Variants in MPDZ observed in about 807,000 individuals in gnomAD.
The protein encoded by MPDZ is multiple PDZ domain crumbs cell polarity complex component.
In MPDZ, 234 loss-of-function variants were observed where a neutral mutation model predicts 239.1. The ratio of observed to expected loss-of-function variants is 0.98; its 90% confidence interval spans 0.88 to 1.09. The LOEUF (loss-of-function observed/expected upper bound fraction) is 1.09, where lower values mean the gene tolerates loss of function less well. MPDZ is among the 50% of genes least tolerant of loss of function. The pLI, the probability that MPDZ is intolerant of heterozygous loss-of-function variation, is 0.00. For synonymous variants in MPDZ, 1,048 were observed against 881.3 expected (o/e 1.19, Z -3.35); for missense variants, 3,175 against 2,510.0 (o/e 1.26, Z -5.66).
intron 27 of MPDZ, among the ~76,000 whole-genome samples, chr9:13,141,661 T>A (rs1213919470): frequency 6.6e-6 from 1 of 152,118 alleles, no homozygotes; most frequent in Non-Finnish European, 1.5e-5. Context: ...CACAAATACT[T>A]AGAAATTATT....
Position 13,148,315 on chromosome 9 carries a change from A to C in MPDZ, c.3631-657T>G, listed in dbSNP as rs146610957. ...GCCTGAGTATTGATCAACTCAGCTT[A>C]CACACTTTATGAATAAGAAGGAAAA... On this transcript the variant is annotated intron_variant, in intron 25 of 46. Transcript: ENST00000319217. Among the ~76,000 whole-genome samples, 168 of 152,204 alleles carry C rather than the reference A, an allele frequency of 1.1e-3. 1 individual carries two copies. The highest frequency in any genetic ancestry group is 3.8e-3 in the African/African-American group (159 of 41,554).
At chr9:13,216,734 C>T (rs528044813) in intron 10 of MPDZ, 40 bp downstream of exon 10, 1 of 1,422,344 alleles carries the variant, frequency 7.0e-7, no homozygotes, top group African/African-American at 1.4e-5. Context: ...AATTCTCAAC[C>T]ATGAAAATTA....
intron 8 of MPDZ, among the ~76,000 whole-genome samples, chr9:13,218,587 C>T (rs1382154604): frequency 1.3e-5 from 2 of 151,792 alleles, no homozygotes; most frequent in Non-Finnish European, 2.9e-5. Flanking sequence ...CTAAAAACAA[C>T]AGAATCATGG....
intron 1 of MPDZ, among the ~76,000 whole-genome samples, chr9:13,268,685 A>G (rs971659614): frequency 6.6e-6 from 1 of 152,228 alleles, no homozygotes; most frequent in African/African-American, 2.4e-5. Flanking sequence ...GGAGGAGAGC[A>G]GTAAAGGGAA....
chr9:13,213,501 G>A (rs868761845), intron 10 of MPDZ, among the ~76,000 whole-genome samples: 2 of 151,994 alleles, frequency 1.3e-5, no homozygotes, highest in African/African-American at 4.8e-5. Context: ...AAATGCAACT[G>A]GATGTGAAGA....
chr9:13,240,171 A>G (rs1965037052), intron 3 of MPDZ, among the ~76,000 whole-genome samples: 1 of 152,078 alleles, frequency 6.6e-6, no homozygotes. Context: ...CTAGGAGACA[A>G]ACTGACTCAC....
In MPDZ at chr9:13,143,472, G is replaced by A. The variant is rs376910378; in HGVS notation, c.3834C>T (p.Ala1278=). ...ACAATGGGCATTATCCAACCTTGTCGGCGTTGATTTGTAGAGAGTCAGCAA... is the reference window on the plus strand; with the variant it reads ...ACAATGGGCATTATCCAACCTTGTCAGCGTTGATTTGTAGAGAGTCAGCAA... The part of the protein sequence containing the change: ...NPFADSLQIN[A]DKAPSQSESE... Residue 1278 remains alanine, a synonymous_variant, in exon 27 of 47, where the codon GCC becomes GCT. Transcript: ENST00000319217. 9.4e-5 allele frequency: 152 copies of A among 1,610,826 alleles called. No homozygotes were observed. Among genetic ancestry groups the A allele is most frequent in the East Asian group, 2.0e-4 (9 of 44,848 alleles).
At chr9:13,206,742 C>T (rs1957046703) in intron 10 of MPDZ, among the ~76,000 whole-genome samples, 1 of 152,028 alleles carries the variant, frequency 6.6e-6, no homozygotes, top group Admixed American at 6.6e-5. Flanking sequence ...CGGGGTTTGA[C>T]CATGTTGGCC....
chr9:13,130,510 C>A (rs1945823197), intron 32 of MPDZ, among the ~76,000 whole-genome samples: 1 of 152,104 alleles, frequency 6.6e-6, no homozygotes, highest in South Asian at 2.1e-4. Context: ...GTGAGAATTT[C>A]TTCTCTCAGC....
At chr9:13,110,582 C>G in intron 44 of MPDZ, 54 bp downstream of exon 44, 1 of 1,233,046 alleles carries the variant, frequency 8.1e-7, no homozygotes, top group Non-Finnish European at 1.2e-6. Flanking sequence ...CATCAAAGCT[C>G]ATGTGTCTTC....
At chr9:13,261,162 C>A (rs552420592) in intron 1 of MPDZ, among the ~76,000 whole-genome samples, 1 of 152,174 alleles carries the variant, frequency 6.6e-6, no homozygotes, top group African/African-American at 2.4e-5. Context: ...GATGAAGAAG[C>A]TAAAATGGGG....
chr9:13,230,017 A>G (rs1961906009), intron 3 of MPDZ, among the ~76,000 whole-genome samples: 1 of 152,176 alleles, frequency 6.6e-6, no homozygotes, highest in South Asian at 2.1e-4. Context: ...CAACTAGAAA[A>G]TGGGCAGAAA....
At chr9:13,214,938 A>T (rs897612901) in intron 10 of MPDZ, among the ~76,000 whole-genome samples, 1 of 151,996 alleles carries the variant, frequency 6.6e-6, no homozygotes, top group African/African-American at 2.4e-5. Context: ...TGTGGACTTA[A>T]AGGGAGAGAT....
Position 13,193,292 on chromosome 9 carries a change from TA to T in MPDZ, c.1677del (p.Phe559LeufsTer9). The T allele has an allele frequency of 6.2e-7, 1 of 1,607,858 alleles. No homozygotes were observed. Among genetic ancestry groups the T allele is most frequent in the Non-Finnish European group, 8.5e-7 (1 of 1,176,788 alleles). On this transcript the variant is annotated frameshift_variant, in exon 14 of 47. Transcript: ENST00000319217. LOFTEE classifies it high-confidence loss of function. Reference protein sequence around the residue: ...YEIVVAHVSKFSENSGLGISL... With the variant: ...YEIVVAHVSKXSENSGLGISL... ...CTTATCCCCAATCCACTGTTCTCAC[TA>T]AACTTGCTCACATGGGCCACCTGAA... is the stretch of plus-strand genomic sequence containing the variant.
intron 23 of MPDZ, among the ~76,000 whole-genome samples, chr9:13,159,762 C>T (rs186240084): frequency 6.6e-6 from 1 of 152,176 alleles, no homozygotes; most frequent in African/African-American, 2.4e-5. Flanking sequence ...TACAAGGACC[C>T]CAGTCTCTTC....
intron 10 of MPDZ, among the ~76,000 whole-genome samples, chr9:13,216,257 A>C (rs1446470845): frequency 6.6e-6 from 1 of 151,106 alleles, no homozygotes; most frequent in African/African-American, 2.4e-5. Flanking sequence ...TGATGTTACA[A>C]CGATAACAAT....
At chr9:13,119,454 C>CT in intron 39 of MPDZ, 48 bp downstream of exon 39, 1 of 1,561,586 alleles carries the variant, frequency 6.4e-7, no homozygotes, top group Non-Finnish European at 8.7e-7. Flanking sequence ...TTAAAATTAT[C>CT]TTTTTTCTTC....
At chr9:13,164,179 G>A (rs1278706697) in intron 22 of MPDZ, among the ~76,000 whole-genome samples, 4 of 152,080 alleles carry the variant, frequency 2.6e-5, no homozygotes, top group Non-Finnish European at 5.9e-5. Flanking sequence ...TTACCTCAAA[G>A]GTCAAAAACT....
At chr9:13,239,349 T>A (rs1015223228) in intron 3 of MPDZ, among the ~76,000 whole-genome samples, 1 of 152,166 alleles carries the variant, frequency 6.6e-6, no homozygotes, top group Admixed American at 6.5e-5. Flanking sequence ...CTCTACCACT[T>A]AACCTCTCTA....
Sources: gnomAD v4.1 joint callset for allele counts (sites outside exome capture counted in the v4.1 genomes callset) on GRCh38, gnomAD v4.1.1 for gene constraint, MANE v1.5 for transcripts, NCBI Gene and HGNC (gene_info 2026-07-23, HGNC 2026-07-21) for gene names.